The following NRXN3 variants were observed in gnomAD, a reference collection of about 807,000 sequenced individuals.
NRXN3 encodes the protein neurexin 3.
NRXN3 carries 32 observed loss-of-function variants against 137.6 expected under a neutral mutation model. That is an observed-to-expected ratio of 0.23 (90% confidence interval 0.18 to 0.31). NRXN3 has a LOEUF of 0.31. Among genes scored for constraint, NRXN3 ranks in the 10% least tolerant of loss-of-function variants. The pLI, the probability that NRXN3 is intolerant of heterozygous loss-of-function variation, is 1.00. For synonymous variants in NRXN3, 798 were observed against 784.5 expected (o/e 1.02, Z -0.29); for missense variants, 1,574 against 2,062.5 (o/e 0.76, Z 4.59).
chr14:79,125,703 C>T (rs1364360250), intron 15 of NRXN3, among the ~76,000 whole-genome samples: 2 of 152,140 alleles, frequency 1.3e-5, no homozygotes, highest in Admixed American at 1.3e-4. Flanking sequence ...TTAGCCTTCT[C>T]CTGAATTAGT....
intron 15 of NRXN3, among the ~76,000 whole-genome samples, chr14:79,117,044 C>G (rs2054565296): frequency 2.0e-5 from 3 of 152,160 alleles, no homozygotes; most frequent in African/African-American, 7.2e-5. Flanking sequence ...GATTTTAATT[C>G]ATTCAGTAAA....
At position 79,554,513 on chromosome 14, in the gene NRXN3, C is replaced by G. The variant is rs144764618; in HGVS notation, c.3444+87111C>G. ...CCACACTTATTTGTTTACTTTGGTC[C>G]AGACTATAGAGTCAGGTTAAAAGCC... On this transcript the variant is annotated intron_variant, in intron 16 of 20. Transcript: ENST00000335750. Among the ~76,000 whole-genome samples the G allele has an allele frequency of 1.4e-3, 220 of 152,222 alleles. 4 individuals are homozygous for G. In the East Asian group the frequency reaches 0.027, roughly 18 times the overall value.
At chr14:78,820,373 C>T (rs1429003086) in intron 10 of NRXN3, among the ~76,000 whole-genome samples, 1 of 132,770 alleles carries the variant, frequency 7.5e-6, no homozygotes, top group East Asian at 2.2e-4. Flanking sequence ...TCTCAGGAAA[C>T]ACAGTTTCCA....
intron 6 of NRXN3, among the ~76,000 whole-genome samples, chr14:78,661,999 C>T (rs556149179): frequency 3.3e-4 from 50 of 150,652 alleles, no homozygotes; most frequent in Admixed American, 2.5e-3. Flanking sequence ...CCTCAGTCTC[C>T]GAAGTAGCTG....
chr14:78,971,439 TATAC>T (rs752881846), intron 14 of NRXN3, among the ~76,000 whole-genome samples: 6 of 145,034 alleles, frequency 4.1e-5, no homozygotes, highest in African/African-American at 1.3e-4. Context: ...TATATATATA[TATAC>T]ACACACACAC....
At chr14:78,662,882 A>T (rs1033274144) in intron 6 of NRXN3, among the ~76,000 whole-genome samples, 1 of 152,206 alleles carries the variant, frequency 6.6e-6, no homozygotes, top group African/African-American at 2.4e-5. Context: ...TTACTTGATC[A>T]TCTCGAAAAC....
intron 15 of NRXN3, among the ~76,000 whole-genome samples, chr14:79,179,968 C>T (rs1382588450): frequency 6.6e-6 from 1 of 152,180 alleles, no homozygotes; most frequent in Non-Finnish European, 1.5e-5. Flanking sequence ...ATGATCATTC[C>T]TCCCTAATGT....
intron 4 of NRXN3, among the ~76,000 whole-genome samples, chr14:78,594,608 T>G (rs2097144312): frequency 6.6e-6 from 1 of 152,128 alleles, no homozygotes. Context: ...TAAGCACAGT[T>G]CTAGATTCAT....
intron 15 of NRXN3, among the ~76,000 whole-genome samples, chr14:79,210,338 C>T (rs1295387606): frequency 6.6e-6 from 1 of 152,102 alleles, no homozygotes; most frequent in Non-Finnish European, 1.5e-5. Flanking sequence ...TCTATGGTAT[C>T]CCCAGCACTT....
Position 79,731,621 on chromosome 14 carries a change from T to C in NRXN3, c.4014+33684T>C, listed in dbSNP as rs1267609717. Among the ~76,000 whole-genome samples, 3 of 134,430 alleles carry C rather than the reference T, an allele frequency of 2.2e-5. No homozygotes were observed. In the East Asian group the frequency reaches 6.0e-4, roughly 27 times the overall value. 88.2% of individuals were successfully genotyped at this position (134,430 alleles called of 152,430 possible). ...CTAGTGAACTCCTTGGTTCTCCAAA[T>C]GACCTATTTTTTCCCTTCCTTCTTT... On this transcript the variant is annotated intron_variant, in intron 19 of 20. Transcript: ENST00000335750.
chr14:79,835,825 C>T (rs2099340413), intron 20 of NRXN3, among the ~76,000 whole-genome samples: 1 of 152,156 alleles, frequency 6.6e-6, no homozygotes, highest in Non-Finnish European at 1.5e-5. Context: ...AAACCACATC[C>T]CTGCACGGAG....
Position 79,807,719 on chromosome 14 carries a change from T to G in NRXN3, c.4093+2529T>G, listed in dbSNP as rs78438264. Among the ~76,000 whole-genome samples the G allele has an allele frequency of 3.8e-3, 580 of 152,258 alleles. 12 individuals carry two copies. In the East Asian group the frequency reaches 0.043, roughly 11 times the overall value. On this transcript the variant is annotated intron_variant, in intron 20 of 20. Coordinates refer to ENST00000335750, the MANE Select transcript of NRXN3 (RefSeq NM_001330195.2). ...AAGTGAGTGACAGAACCCCTACCTT[T>G]AAAGAGTGAACATGTAGCTCTAGGA...
At position 79,449,848 on chromosome 14, in the gene NRXN3, G is replaced by C. The variant is rs146541437; in HGVS notation, c.3263-17373G>C. On this transcript the variant is annotated intron_variant, in intron 15 of 20. Transcript: ENST00000335750. The stretch of plus-strand genomic sequence containing the variant: ...CTACTAAAAACTATAAAAATTAGCC[G>C]GGTGTGGTGGCAGGTGCCTGTAATT... Among the ~76,000 whole-genome samples the C allele has an allele frequency of 8.8e-3, 1,336 of 151,958 alleles. 28 individuals are homozygous for C. In the East Asian group the frequency reaches 0.096, roughly 11 times the overall value.
chr14:78,858,569 A>T (rs985698120), intron 10 of NRXN3, among the ~76,000 whole-genome samples: 5 of 152,228 alleles, frequency 3.3e-5, no homozygotes, highest in Admixed American at 1.3e-4. Flanking sequence ...AGTAAAGGTA[A>T]TTAACAAAGG....
chr14:78,583,111 G>A (rs925130890), intron 4 of NRXN3, among the ~76,000 whole-genome samples: 5 of 152,108 alleles, frequency 3.3e-5, no homozygotes, highest in East Asian at 3.9e-4. Flanking sequence ...CCTTCCTGAC[G>A]CCTCTGGGGC....
chr14:78,508,175 A>G (rs1179601850), intron 4 of NRXN3, among the ~76,000 whole-genome samples: 2 of 152,204 alleles, frequency 1.3e-5, no homozygotes, highest in Non-Finnish European at 1.5e-5. Flanking sequence ...GAGAAACCAG[A>G]AGGGTGTGAC....
In NRXN3 at chr14:79,004,346, A is replaced by G. The variant is rs548075314; in HGVS notation, c.3262+16205A>G. 4.6e-5 allele frequency among the ~76,000 whole-genome samples: 7 copies of G among 152,202 alleles called. No individual in the cohort carries two copies. The South Asian group carries it at 1.5e-3, about 32-fold the overall frequency. On this transcript the variant is annotated intron_variant, in intron 15 of 20. Coordinates refer to ENST00000335750, the MANE Select transcript of NRXN3 (RefSeq NM_001330195.2). Reference sequence around the variant, plus strand: ...CTGCAAACTCCACCTCCTGGGCTCAAGTGATCCTCTCACCTCAGCCTCCCG... The same window carrying G: ...CTGCAAACTCCACCTCCTGGGCTCAGGTGATCCTCTCACCTCAGCCTCCCG...
intron 4 of NRXN3, among the ~76,000 whole-genome samples, chr14:78,345,983 G>A (rs1351378129): frequency 1.3e-5 from 2 of 152,172 alleles, no homozygotes; most frequent in Non-Finnish European, 2.9e-5. Context: ...AGATGGGGTT[G>A]TTTTCAAATG....
At chr14:79,257,360 G>A (rs982647073) in intron 15 of NRXN3, among the ~76,000 whole-genome samples, 3 of 119,726 alleles carry the variant, frequency 2.5e-5, no homozygotes, top group Admixed American at 9.0e-5. Flanking sequence ...TGGTGGTGGT[G>A]GTGGTGGTGG....
Sources: gnomAD v4.1 joint callset for allele counts (sites outside exome capture counted in the v4.1 genomes callset) on GRCh38, gnomAD v4.1.1 for gene constraint, MANE v1.5 for transcripts, NCBI Gene and HGNC (gene_info 2026-07-23, HGNC 2026-07-21) for gene names.